Variants in FRMD3 observed in about 807,000 individuals in gnomAD.
FRMD3 encodes the protein FERM domain-containing protein 3.
Under a neutral mutation model 70.2 loss-of-function variants are expected in FRMD3, and 33 were observed. The ratio of observed to expected loss-of-function variants is 0.47; its 90% CI spans 0.36 to 0.63. The LOEUF is 0.63. FRMD3 is among the 20% of genes least tolerant of loss of function. The pLI, the probability that FRMD3 is intolerant of heterozygous loss-of-function variation, is 0.00. For missense variants in FRMD3, 632 were observed against 711.4 expected (o/e 0.89, Z 1.27); for synonymous variants, 279 against 255.9 (o/e 1.09, Z -0.86).
chr9:83,357,258 T>TA (rs1564032712), intron 3 of FRMD3, among the ~76,000 whole-genome samples: 1 of 48,820 alleles, frequency 2.0e-5, no homozygotes, highest in African/African-American at 1.5e-4. Flanking sequence ...TATATATATA[T>TA]ATATATATAT....
intron 1 of FRMD3, among the ~76,000 whole-genome samples, chr9:83,446,396 C>T (rs1403562500): frequency 6.6e-6 from 1 of 152,106 alleles, no homozygotes; most frequent in Non-Finnish European, 1.5e-5. Context: ...GCATGTAATC[C>T]CAGCACTTTC....
At chr9:83,385,595 G>A (rs761691495) in intron 2 of FRMD3, among the ~76,000 whole-genome samples, 1 of 152,006 alleles carries the variant, frequency 6.6e-6, no homozygotes, top group Non-Finnish European at 1.5e-5. Context: ...ACTGTAAATC[G>A]AGTTGTAGGC....
intron 13 of FRMD3, among the ~76,000 whole-genome samples, chr9:83,263,133 G>A (rs139262142): frequency 6.6e-6 from 1 of 152,236 alleles, no homozygotes; most frequent in Non-Finnish European, 1.5e-5. Context: ...GTCCTATGGT[G>A]CTGACAGCAA....
chr9:83,494,833 A>G (rs934215350), intron 1 of FRMD3, among the ~76,000 whole-genome samples: 9 of 149,318 alleles, frequency 6.0e-5, no homozygotes, highest in Non-Finnish European at 1.0e-4. Flanking sequence ...CTGTGCATTT[A>G]TGTGTGTGTG....
At chr9:83,442,784 C>T (rs1212775816) in intron 1 of FRMD3, among the ~76,000 whole-genome samples, 2 of 151,984 alleles carry the variant, frequency 1.3e-5, no homozygotes, top group Non-Finnish European at 2.9e-5. Flanking sequence ...GTGTGAGTTA[C>T]CTCCCTTTCA....
chr9:83,274,872 A>G (rs547158508), intron 13 of FRMD3, among the ~76,000 whole-genome samples: 1 of 152,226 alleles, frequency 6.6e-6, no homozygotes, highest in African/African-American at 2.4e-5. Context: ...AGCAGGGAAC[A>G]GGTGGTTAGG....
At chr9:83,572,319 T>G in the FRMD3 span, among the ~76,000 whole-genome samples, 1 of 152,150 alleles carries the variant, frequency 6.6e-6, no homozygotes, top group Non-Finnish European at 1.5e-5. Context: ...ATCCTTGAGC[T>G]GGTGAGAGGA....
intron 2 of FRMD3, among the ~76,000 whole-genome samples, chr9:83,377,569 G>C (rs1233187227): frequency 6.6e-6 from 1 of 152,100 alleles, no homozygotes; most frequent in African/African-American, 2.4e-5. Context: ...TGCTGTCCTT[G>C]TGATAGTGAG....
intron 6 of FRMD3, among the ~76,000 whole-genome samples, chr9:83,322,366 G>A (rs1835833502): frequency 6.6e-6 from 1 of 152,032 alleles, no homozygotes; most frequent in Non-Finnish European, 1.5e-5. Context: ...TCTCTCCCAG[G>A]CAAGCAGTGT....
chr9:83,488,710 T>C (rs1828741473), intron 1 of FRMD3, among the ~76,000 whole-genome samples: 1 of 152,222 alleles, frequency 6.6e-6, no homozygotes, highest in Admixed American at 6.5e-5. Flanking sequence ...GGCAGGGACC[T>C]TGTCTCATTC....
At chr9:83,349,940 C>T (rs1824090718) in intron 3 of FRMD3, among the ~76,000 whole-genome samples, 183 bp from the exon 4 acceptor site, 1 of 152,142 alleles carries the variant, frequency 6.6e-6, no homozygotes, top group Non-Finnish European at 1.5e-5. Flanking sequence ...AACAACAAAA[C>T]TCAAAGAAAA....
intron 6 of FRMD3, among the ~76,000 whole-genome samples, chr9:83,327,291 G>A (rs1231119139): frequency 2.0e-5 from 3 of 152,198 alleles, no homozygotes; most frequent in Non-Finnish European, 4.4e-5. Context: ...CTTAGATTTA[G>A]CTTTGTTGGA....
intron 13 of FRMD3, chr9:83,267,223 C>T (rs1365079799): frequency 1.3e-6 from 2 of 1,543,480 alleles, no homozygotes; most frequent in Admixed American, 3.9e-5. Context: ...TTTTAAAGGA[C>T]CTAGGCAGGA....
At chr9:83,512,558 C>T (rs999929667) in intron 1 of FRMD3, among the ~76,000 whole-genome samples, 2 of 152,214 alleles carry the variant, frequency 1.3e-5, no homozygotes, top group Non-Finnish European at 2.9e-5. Context: ...CTAAACCCAT[C>T]TGCGGAAATG....
intron 1 of FRMD3, among the ~76,000 whole-genome samples, chr9:83,486,168 G>T (rs1039077196): frequency 2.0e-5 from 3 of 152,052 alleles, no homozygotes; most frequent in Non-Finnish European, 2.9e-5. Flanking sequence ...TATATTCACT[G>T]AATTCCACTC....
intron 1 of FRMD3, among the ~76,000 whole-genome samples, chr9:83,462,678 T>C (rs979907240): frequency 6.6e-5 from 10 of 152,104 alleles, no homozygotes; most frequent in Non-Finnish European, 1.2e-4. Context: ...GAGATATCTC[T>C]TTCTAAGAGT....
At chr9:83,528,300 C>CACAA (rs1234590669) in intron 1 of FRMD3, among the ~76,000 whole-genome samples, 1 of 151,336 alleles carries the variant, frequency 6.6e-6, no homozygotes, top group African/African-American at 2.4e-5. Flanking sequence ...AACGCAGACA[C>CACAA]ACACACACAC....
At chr9:83,377,204 T>C (rs1825177391) in intron 2 of FRMD3, among the ~76,000 whole-genome samples, 1 of 152,110 alleles carries the variant, frequency 6.6e-6, no homozygotes. Context: ...ATGTTTTCTT[T>C]CAAAATAAAA....
At chr9:83,538,933 T>G (rs1338842325), upstream of FRMD3, among the ~76,000 whole-genome samples, 1 of 152,188 alleles carries the variant, frequency 6.6e-6, no homozygotes, top group Non-Finnish European at 1.5e-5. The surrounding 1 kb of genome is among the most constrained non-coding windows in gnomAD (Gnocchi z 4.7). Flanking sequence ...ACCAGGAATA[T>G]CGCTAATAGT....
Sources: gnomAD v4.1 joint callset for allele counts (sites outside exome capture counted in the v4.1 genomes callset) on GRCh38, gnomAD v4.1.1 for gene constraint, Gnocchi (gnomAD v3.1) non-coding constraint, MANE v1.5 for transcripts, NCBI Gene and HGNC (gene_info 2026-07-23, HGNC 2026-07-21) for gene names.